LPCAT1: variants seen among roughly 807,000 people sequenced by gnomAD.
The protein encoded by LPCAT1 is 1-acylglycerol-3-phosphate O-acyltransferase.
LPCAT1 carries 23 observed loss-of-function variants against 60.9 expected under a neutral mutation model. That is an observed-to-expected ratio of 0.38 (90% CI 0.27 to 0.53). The LOEUF (loss-of-function observed/expected upper bound fraction) is 0.53. Among genes scored for constraint, LPCAT1 ranks in the 20% least tolerant of loss-of-function variants. LPCAT1 has a pLI of 0.82. For missense variants in LPCAT1, 622 were observed against 723.6 expected, an observed-to-expected ratio of 0.86 and a Z score of 1.61; for synonymous variants, 340 against 301.1, an observed-to-expected ratio of 1.13 and a Z score of -1.34.
In LPCAT1 at chr5:1,480,253, C is replaced by T. The variant is rs977923164; in HGVS notation, c.762-578G>A. 3.5e-6 allele frequency: 3 copies of T among 849,734 alleles called. No homozygotes were observed. The African/African-American group carries it at 5.5e-5, about 16-fold the overall frequency. The allele number at this position is 849,734 out of a possible 1,614,324, so 52.6% of individuals were successfully genotyped here. On this transcript the variant is annotated intron_variant, in intron 7 of 13. Transcript: ENST00000283415. The surrounding 1 kb of genome is among the most constrained non-coding windows in gnomAD (Gnocchi z 6.4). ...CCCCCAGAGCCCCCTCCCAGCTCTGCTCCCAGCTGGGAGCCTCCACACGCC... is the reference window on the plus strand; with the variant it reads ...CCCCCAGAGCCCCCTCCCAGCTCTGTTCCCAGCTGGGAGCCTCCACACGCC...
At chr5:1,467,241 C>G (rs963798120) in intron 12 of LPCAT1, 1 of 258,028 alleles carries the variant, frequency 3.9e-6, no homozygotes, top group Non-Finnish European at 7.3e-6. Flanking sequence ...GAGCGCGGCG[C>G]AAGCTTGGGC....
In LPCAT1 at chr5:1,477,427, G is replaced by A; in HGVS notation, c.876C>T (p.Ser292=). 1.2e-6 allele frequency: 2 copies of A among 1,614,044 alleles called. No homozygotes were observed. The highest frequency in any genetic ancestry group is 1.7e-6 in the Non-Finnish European group (2 of 1,179,968). Residue 292 remains serine (S), a synonymous_variant, in exon 9 of 14, where the codon AGC becomes AGT. Coordinates refer to ENST00000283415, the MANE Select transcript of LPCAT1 (RefSeq NM_024830.5). The surrounding 1 kb of genome is among the most constrained non-coding windows in gnomAD (Gnocchi z 6.0). ...ACTCGGCCATGACTCGCCGCACGTT[G>A]CTGGCATACAGCGCGGGGTTCCTCT... The part of the protein sequence containing the change: ...EEKRNPALYA[S]NVRRVMAEAL...
At chr5:1,466,503 G>C (rs569294191) in intron 13 of LPCAT1, among the ~76,000 whole-genome samples, 38 of 152,166 alleles carry the variant, frequency 2.5e-4, no homozygotes, top group Non-Finnish European at 4.4e-4. Flanking sequence ...TCAGAGCTTC[G>C]GAACTGGGCT....
At position 1,523,247 on chromosome 5, in the gene LPCAT1, G is replaced by A. The variant is rs1295680808; in HGVS notation, c.135+463C>T. Among the ~76,000 whole-genome samples, 1 of 151,990 alleles carries A rather than the reference G, an allele frequency of 6.6e-6. No individual in the cohort carries two copies. Among genetic ancestry groups the A allele is most frequent in the African/African-American group, 2.4e-5 (1 of 41,408 alleles). On this transcript the variant is annotated intron_variant, in intron 1 of 13. Transcript: ENST00000283415. This position sits in a 1 kb window ranked among gnomAD's most constrained non-coding sequence, Gnocchi z 7.1. ...CGCCCGCGGGCCGCGTCCAGGCAAA[G>A]CCGCTCCGGAGTCCCCGGGCTGCGC... is the stretch of plus-strand genomic sequence containing the variant.
chr5:1,467,053 G>T, intron 12 of LPCAT1, 163 bp from the exon 13 acceptor site: 2 of 629,096 alleles, frequency 3.2e-6, no homozygotes, highest in Non-Finnish European at 4.6e-6. Flanking sequence ...GTGGAGCCAT[G>T]CAGCAGGGCC....
Position 1,496,566 on chromosome 5 carries a change from A to C in LPCAT1, c.279-1652T>G, listed in dbSNP as rs952008862. ...GCCAGTCTCGGGCAGGTTCAGGGGC[A>C]GGAGAGAGGACAGCAGGAAAAAAGG... On this transcript the variant is annotated intron_variant, in intron 2 of 13. Coordinates refer to ENST00000283415, the MANE Select transcript of LPCAT1 (RefSeq NM_024830.5). This position sits in a 1 kb window ranked among gnomAD's most constrained non-coding sequence, Gnocchi z 4.7. Among the ~76,000 whole-genome samples, 1 of 152,146 alleles carries C rather than the reference A, an allele frequency of 6.6e-6. No homozygotes were observed. The highest frequency in any genetic ancestry group is 6.6e-5 in the Admixed American group (1 of 15,264).
At chr5:1,467,522 G>A (rs377331070) in intron 12 of LPCAT1, among the ~76,000 whole-genome samples, 1 of 152,092 alleles carries the variant, frequency 6.6e-6, no homozygotes, top group Non-Finnish European at 1.5e-5. Context: ...TCTCTGTGCA[G>A]GGCCCAGTGC....
intron 1 of LPCAT1, among the ~76,000 whole-genome samples, chr5:1,516,188 C>T (rs1326198462): frequency 6.6e-6 from 1 of 152,228 alleles, no homozygotes; most frequent in African/African-American, 2.4e-5. Context: ...TTTACAGAGA[C>T]TTCCCCAATG....
chr5:1,470,736 T>C, intron 12 of LPCAT1, 90 bp downstream of exon 12: 1 of 891,814 alleles, frequency 1.1e-6, no homozygotes, highest in East Asian at 2.8e-5. Flanking sequence ...AATTAACTGA[T>C]ATTATAAGGA....
In LPCAT1 at chr5:1,487,158, A is replaced by G. The variant is rs1735401691; in HGVS notation, c.667+1233T>C. 1.3e-5 allele frequency among the ~76,000 whole-genome samples: 2 copies of G among 152,220 alleles called. No homozygotes were observed. Among genetic ancestry groups the G allele is most frequent in the African/African-American group, 4.8e-5 (2 of 41,464 alleles). On this transcript the variant is annotated intron_variant, in intron 5 of 13. Transcript: ENST00000283415. This position sits in a 1 kb window ranked among gnomAD's most constrained non-coding sequence, Gnocchi z 6.1. ...GTGACCCCAGCCCCACACCTTGTCA[A>G]GGAACAAGACCTGACGTACTTGCCA...
intron 2 of LPCAT1, among the ~76,000 whole-genome samples, chr5:1,498,392 G>A (rs986214299): frequency 1.3e-5 from 2 of 152,198 alleles, no homozygotes; most frequent in African/African-American, 2.4e-5. Flanking sequence ...GCTGCTGAAG[G>A]AGACGCCAGG....
intron 1 of LPCAT1, among the ~76,000 whole-genome samples, chr5:1,517,012 G>A (rs567400726): frequency 1.3e-5 from 2 of 152,310 alleles, no homozygotes; most frequent in African/African-American, 4.8e-5. Context: ...AAAATGACGT[G>A]GGTTTCACAG....
chr5:1,492,399 G>A (rs1352415025), intron 3 of LPCAT1, among the ~76,000 whole-genome samples: 1 of 152,178 alleles, frequency 6.6e-6, no homozygotes, highest in Admixed American at 6.5e-5. Context: ...AGATGGTTCT[G>A]AGCTCCCGAA....
At chr5:1,510,014 C>G (rs1287720892) in intron 1 of LPCAT1, among the ~76,000 whole-genome samples, 1 of 152,198 alleles carries the variant, frequency 6.6e-6, no homozygotes, top group Non-Finnish European at 1.5e-5. Flanking sequence ...CTGGGTATTC[C>G]CATTTCTGTT....
chr5:1,523,747 A>C lies in LPCAT1; in HGVS notation c.98T>G (p.Val33Gly). Residue 33 changes from valine (V) to glycine (G), a missense_variant, in exon 1 of 14, where the codon GTG becomes GGG. This residue lies in a region of LPCAT1 where 125 missense variants were observed against 114.5 expected (regional missense o/e 1.09). Transcript: ENST00000283415. The surrounding 1 kb of genome is among the most constrained non-coding windows in gnomAD (Gnocchi z 7.1). ...CAGGGCGCTGAGGCGCAGCTCGTGCACGAAGGGGTTCCGCCCCGGGGGCGC... is the reference window on the plus strand; with the variant it reads ...CAGGGCGCTGAGGCGCAGCTCGTGCCCGAAGGGGTTCCGCCCCGGGGGCGC... ...LLAPPGRNPF[V>G]HELRLSALQK... 1.2e-5 allele frequency: 14 copies of C among 1,175,568 alleles called. No individual in the cohort carries two copies. The highest frequency in any genetic ancestry group is 4.4e-5 in the Admixed American group (1 of 22,934). The allele number at this position is 1,175,568 out of a possible 1,614,324, so 72.8% of individuals were successfully genotyped here.
At chr5:1,503,428 T>C (rs1220915336) in intron 1 of LPCAT1, among the ~76,000 whole-genome samples, 1 of 152,256 alleles carries the variant, frequency 6.6e-6, no homozygotes, top group Non-Finnish European at 1.5e-5. Context: ...CCTGCATCTG[T>C]GGGGAGAGCC....
At chr5:1,501,722 G>T in intron 1 of LPCAT1, 119 bp from the exon 2 acceptor site, 1 of 1,005,710 alleles carries the variant, frequency 9.9e-7, no homozygotes, top group Non-Finnish European at 1.5e-6. Context: ...CTGGGGAGGG[G>T]CTGCAGCTGG....
intron 5 of LPCAT1, among the ~76,000 whole-genome samples, chr5:1,485,270 T>C (rs1735327427): frequency 6.6e-6 from 1 of 152,118 alleles, no homozygotes; most frequent in African/African-American, 2.4e-5. Flanking sequence ...AGTGACTTCA[T>C]GGAAACCCCG....
intron 13 of LPCAT1, among the ~76,000 whole-genome samples, chr5:1,464,918 G>GTGCACACACAAAACAAGCACA (rs1486143730): frequency 2.0e-5 from 3 of 149,162 alleles, no homozygotes; most frequent in Non-Finnish European, 4.4e-5. Flanking sequence ...ACACACATGC[G>GTGCACACACAAAACAAGCACA]TGCACACACA....
Sources: gnomAD v4.1 joint callset for allele counts (sites outside exome capture counted in the v4.1 genomes callset) on GRCh38, gnomAD v4.1.1 for gene constraint, gnomAD v4.1.1 regional missense constraint, Gnocchi (gnomAD v3.1) non-coding constraint, MANE v1.5 for transcripts, NCBI Gene and HGNC (gene_info 2026-07-23, HGNC 2026-07-21) for gene names.